NKAIN3: variants seen among roughly 807,000 people sequenced by gnomAD.
NKAIN3 encodes the protein sodium/potassium transporting ATPase interacting 3.
NKAIN3 carries 25 observed loss-of-function variants against 30.2 expected under a neutral mutation model. The observed-to-expected ratio is 0.83, with a 90% CI of 0.60 to 1.16. NKAIN3 has a LOEUF of 1.16. Among genes scored for constraint, NKAIN3 ranks in the 50% most tolerant of loss-of-function variants. NKAIN3 has a pLI of 0.00. For synonymous variants in NKAIN3, 91 were observed against 89.6 expected, an observed-to-expected ratio of 1.02 and a Z score of -0.09; for missense variants, 225 against 254.1, an observed-to-expected ratio of 0.89 and a Z score of 0.78.
intron 3 of NKAIN3, among the ~76,000 whole-genome samples, chr8:62,704,858 T>C (rs1304918255): frequency 1.3e-5 from 2 of 152,230 alleles, no homozygotes; most frequent in Admixed American, 1.3e-4. Flanking sequence ...CTTGCAAAAT[T>C]ATGTAATAAC....
chr8:62,651,870 C>G (rs1274719656), intron 3 of NKAIN3, among the ~76,000 whole-genome samples: 1 of 152,116 alleles, frequency 6.6e-6, no homozygotes, highest in East Asian at 1.9e-4. Context: ...TGTGACATGC[C>G]TGTTCTCACT....
intron 1 of NKAIN3, among the ~76,000 whole-genome samples, chr8:62,292,023 T>C (rs1813656684): frequency 6.6e-6 from 1 of 152,202 alleles, no homozygotes; most frequent in Non-Finnish European, 1.5e-5. Context: ...TCTTTGTTGG[T>C]TTAAAGTCTG....
chr8:62,536,846 G>T (rs2129869022), intron 1 of NKAIN3, among the ~76,000 whole-genome samples: 1 of 152,072 alleles, frequency 6.6e-6, no homozygotes, highest in African/African-American at 2.4e-5. Flanking sequence ...AATCTAAACA[G>T]TTCTTAGCCT....
At chr8:62,871,943 C>T (rs1213691794) in intron 4 of NKAIN3, among the ~76,000 whole-genome samples, 2 of 152,232 alleles carry the variant, frequency 1.3e-5, no homozygotes, top group African/African-American at 2.4e-5. Flanking sequence ...GAAACATAGT[C>T]ATGCATTGCA....
intron 1 of NKAIN3, among the ~76,000 whole-genome samples, chr8:62,480,199 A>G (rs1010199950): frequency 1.9e-4 from 29 of 152,206 alleles, no homozygotes; most frequent in African/African-American, 7.0e-4. Context: ...GCTACTTTCC[A>G]TTACTATGAA....
intron 1 of NKAIN3, among the ~76,000 whole-genome samples, chr8:62,539,338 A>T (rs1484827661): frequency 6.6e-6 from 1 of 152,238 alleles, no homozygotes; most frequent in African/African-American, 2.4e-5. Flanking sequence ...CAATGAAGGG[A>T]AACTAAAGGC....
At chr8:62,368,339 A>T (rs1816801288) in intron 1 of NKAIN3, among the ~76,000 whole-genome samples, 1 of 152,184 alleles carries the variant, frequency 6.6e-6, no homozygotes, top group Non-Finnish European at 1.5e-5. Flanking sequence ...AAAGAATGGT[A>T]TTTCACAATA....
At chr8:62,249,187 G>C in intron 1 of NKAIN3, 60 bp downstream of exon 1, 1 of 1,391,680 alleles carries the variant, frequency 7.2e-7, no homozygotes, top group Non-Finnish European at 9.7e-7. Flanking sequence ...CGGCCTCTGC[G>C]ACTCCCTCTG....
chr8:62,333,745 G>A (rs890757739), intron 1 of NKAIN3, among the ~76,000 whole-genome samples: 4 of 152,050 alleles, frequency 2.6e-5, no homozygotes, highest in African/African-American at 9.7e-5. Context: ...CTTTACCCAT[G>A]GCTTTGGGCC....
At chr8:62,625,981 C>A (rs577865218) in intron 3 of NKAIN3, among the ~76,000 whole-genome samples, 1 of 151,958 alleles carries the variant, frequency 6.6e-6, no homozygotes, top group Non-Finnish European at 1.5e-5. Flanking sequence ...AAAACTGAGG[C>A]GTCGAGGAAA....
chr8:62,543,837 A>C (rs2129903513), intron 1 of NKAIN3, among the ~76,000 whole-genome samples: 1 of 152,244 alleles, frequency 6.6e-6, no homozygotes, highest in African/African-American at 2.4e-5. Flanking sequence ...TTCTTCTCCC[A>C]AGGGTTTGTA....
chr8:62,928,694 C>A (rs1822523327), intron 5 of NKAIN3, among the ~76,000 whole-genome samples: 1 of 152,212 alleles, frequency 6.6e-6, no homozygotes, highest in Non-Finnish European at 1.5e-5. Flanking sequence ...CTTATCCTTT[C>A]TTCCTGCTGG....
At chr8:62,916,047 T>C (rs1586343601) in intron 4 of NKAIN3, among the ~76,000 whole-genome samples, 1 of 152,206 alleles carries the variant, frequency 6.6e-6, no homozygotes, top group African/African-American at 2.4e-5. Context: ...AACTCTCCTA[T>C]GGTATGGAAA....
intron 3 of NKAIN3, among the ~76,000 whole-genome samples, chr8:62,622,688 T>C (rs10093315): frequency 0.024 from 3,591 of 152,134 alleles, 103 homozygotes; most frequent in African/African-American, 0.074. Flanking sequence ...TTGTCAGAGA[T>C]ATGTTTTGCA....
At chr8:62,817,574 CA>C (rs1818722784) in intron 4 of NKAIN3, among the ~76,000 whole-genome samples, 1 of 152,094 alleles carries the variant, frequency 6.6e-6, no homozygotes, top group Non-Finnish European at 1.5e-5. Flanking sequence ...GTGGCTATCA[CA>C]AACCAATCAC....
In NKAIN3 at chr8:62,971,044, T is replaced by C. The variant is rs573654497; in HGVS notation, c.*5637T>C. Among the ~76,000 whole-genome samples the C allele has an allele frequency of 1.1e-4, 15 of 139,958 alleles. No individual in the cohort carries two copies. The highest frequency in any genetic ancestry group is 4.1e-4 in the African/African-American group (15 of 36,690). The allele number at this position is 139,958 out of a possible 152,430, so 91.8% of individuals were successfully genotyped here. ...CAGTCAGCAAAGAGCCGGATGTGAT[T>C]TCCCTAGAGACAAGGACCGAGACTC... On this transcript the variant is annotated 3_prime_UTR_variant, in exon 7 of 7. Coordinates refer to ENST00000623646, the MANE Select transcript of NKAIN3 (RefSeq NM_001304533.3).
chr8:62,600,895 T>A (rs1459099143), intron 3 of NKAIN3, among the ~76,000 whole-genome samples: 1 of 152,110 alleles, frequency 6.6e-6, no homozygotes, highest in Non-Finnish European at 1.5e-5. Flanking sequence ...ATTACTTACC[T>A]TGAATTGTTC....
intron 4 of NKAIN3, among the ~76,000 whole-genome samples, chr8:62,758,912 A>G (rs13261507): frequency 0.57 from 86,634 of 151,996 alleles, 25,792 homozygotes; most frequent in Non-Finnish European, 0.67. Flanking sequence ...GGTTTATTTC[A>G]TATCTCCACA....
chr8:62,870,299 T>TAG (rs1820584987), intron 4 of NKAIN3, among the ~76,000 whole-genome samples: 2 of 109,706 alleles, frequency 1.8e-5, no homozygotes, highest in South Asian at 2.8e-4. Context: ...TAGATATATA[T>TAG]ACATCTATAT....
Sources: gnomAD v4.1 joint callset for allele counts (sites outside exome capture counted in the v4.1 genomes callset) on GRCh38, gnomAD v4.1.1 for gene constraint, MANE v1.5 for transcripts, NCBI Gene and HGNC (gene_info 2026-07-23, HGNC 2026-07-21) for gene names.